Variants in OSBP2 observed in about 807,000 individuals in gnomAD.
The protein encoded by OSBP2 is oxysterol-binding protein 2.
OSBP2 carries 66 observed loss-of-function variants against 96.0 expected under a neutral mutation model. That is an observed-to-expected ratio of 0.69 (90% CI 0.56 to 0.84). The LOEUF is 0.84. Among genes scored for constraint, OSBP2 ranks in the 40% least tolerant of loss-of-function variants. The pLI, the probability that OSBP2 is intolerant of heterozygous loss-of-function variation, is 0.00. For missense variants in OSBP2, 1,038 were observed against 1,222.7 expected, an observed-to-expected ratio of 0.85 and a Z score of 2.25; for synonymous variants, 525 against 520.9, an observed-to-expected ratio of 1.01 and a Z score of -0.11.
chr22:30,742,021 C>T lies in OSBP2; in HGVS notation c.853+652C>T, dbSNP rs538062128. Among the ~76,000 whole-genome samples, 28 of 151,902 alleles carry T rather than the reference C, an allele frequency of 1.8e-4. 4 individuals carry two copies. The highest frequency in any genetic ancestry group is 1.5e-3 in the Admixed American group (23 of 15,268). ...TTTTAATACAGACAGGGTTTCATCA[C>T]GTTGGCCAGGCTGGTCTCAAACTCC... On this transcript the variant is annotated intron_variant, in intron 2 of 13. Transcript: ENST00000332585.
Position 30,695,053 on chromosome 22 carries a change from G to T in OSBP2, c.144G>T (p.Pro48=), listed in dbSNP as rs1232215907. Residue 48 remains proline, a synonymous_variant, in exon 1 of 14, where the codon CCG becomes CCT. Coordinates refer to ENST00000332585, the MANE Select transcript of OSBP2 (RefSeq NM_030758.4). Reference sequence around the variant, plus strand: ...GCGCTTCCACGTCCGGCTCCGGGCCGGAGCCCAAGCCCCAGCCCCAGCCCG... The same window carrying T: ...GCGCTTCCACGTCCGGCTCCGGGCCTGAGCCCAAGCCCCAGCCCCAGCCCG... ...GMSASTSGSG[P]EPKPQPQPVP... is the part of the protein sequence containing the mutation. The T allele has an allele frequency of 1.9e-6, 3 of 1,590,106 alleles. No individual in the cohort carries two copies. Among genetic ancestry groups the T allele is most frequent in the African/African-American group, 2.7e-5 (2 of 74,110 alleles).
chr22:30,884,962 G>A (rs113397923), intron 3 of OSBP2, among the ~76,000 whole-genome samples: 2 of 152,360 alleles, frequency 1.3e-5, no homozygotes, highest in African/African-American at 4.8e-5. Flanking sequence ...CTGGGAGAGC[G>A]ATGCTGCAGA....
At chr22:30,724,039 T>G (rs760033620) in intron 1 of OSBP2, among the ~76,000 whole-genome samples, 3 of 152,166 alleles carry the variant, frequency 2.0e-5, no homozygotes, top group African/African-American at 4.8e-5. Flanking sequence ...CTCTGCCTAT[T>G]CATCACTCCC....
At chr22:30,866,819 A>C (rs2039349446) in intron 2 of OSBP2, among the ~76,000 whole-genome samples, 1 of 152,216 alleles carries the variant, frequency 6.6e-6, no homozygotes, top group Non-Finnish European at 1.5e-5. Context: ...ATTACCACAA[A>C]CAAGTGGCTT....
intron 2 of OSBP2, among the ~76,000 whole-genome samples, chr22:30,774,407 C>G (rs1301755893): frequency 6.6e-6 from 1 of 152,168 alleles, no homozygotes; most frequent in Non-Finnish European, 1.5e-5. Flanking sequence ...TTGTGGAGAG[C>G]ATTGTCATTG....
chr22:30,877,749 G>C (rs1263926872), intron 3 of OSBP2, among the ~76,000 whole-genome samples: 1 of 152,166 alleles, frequency 6.6e-6, no homozygotes, highest in South Asian at 2.1e-4. Flanking sequence ...CCCTGCAGGC[G>C]GGGCCCAGGC....
chr22:30,833,032 G>T (rs1302938910), intron 2 of OSBP2, among the ~76,000 whole-genome samples: 4 of 152,214 alleles, frequency 2.6e-5, no homozygotes, highest in Non-Finnish European at 5.9e-5. Flanking sequence ...ATTCAGAAAG[G>T]TGTCAGTGCG....
At position 30,802,049 on chromosome 22, in the gene OSBP2, C is replaced by T. The variant is rs989022515; in HGVS notation, c.853+60680C>T. ...TAGTTCCGTGAAGGTAGGGTATCCT[C>T]ATCTTGGACTCCAGAAAGGCGTGAG... On this transcript the variant is annotated intron_variant, in intron 2 of 13. Coordinates refer to ENST00000332585, the MANE Select transcript of OSBP2 (RefSeq NM_030758.4). Among the ~76,000 whole-genome samples the T allele has an allele frequency of 7.2e-4, 109 of 152,186 alleles. 2 individuals carry two copies. Among genetic ancestry groups the T allele is most frequent in the Non-Finnish European group, 5.3e-4 (36 of 68,030 alleles).
In OSBP2 at chr22:30,905,949, G is replaced by A. The variant is rs747783224; in HGVS notation, c.2488G>A (p.Glu830Lys). Residue 830 changes from glutamate to lysine, a missense_variant, in exon 13 of 14, where the codon GAG (glutamate) becomes AAG (lysine). Around this residue, in one of 3 missense-constraint regions of OSBP2, gnomAD observed 737 missense variants for 913.3 expected, o/e 0.81. Coordinates refer to ENST00000332585, the MANE Select transcript of OSBP2 (RefSeq NM_030758.4). ...SRLRPDQRLM[E>K]KGRWDEANTE... ...CCTGCGGCCCGACCAGCGGCTGATGGAGAAGGGCCGTTGGGACGAGGCCAA... is the reference window on the plus strand; with the variant it reads ...CCTGCGGCCCGACCAGCGGCTGATGAAGAAGGGCCGTTGGGACGAGGCCAA... The A allele has an allele frequency of 1.9e-6, 3 of 1,612,104 alleles. No individual in the cohort carries two copies. The highest frequency in any genetic ancestry group is 2.5e-6 in the Non-Finnish European group (3 of 1,179,410).
At chr22:30,841,547 C>T (rs1229999858) in intron 2 of OSBP2, among the ~76,000 whole-genome samples, 1 of 152,160 alleles carries the variant, frequency 6.6e-6, no homozygotes, top group Non-Finnish European at 1.5e-5. Flanking sequence ...TACAGTCATA[C>T]CTCGGAGATA....
At chr22:30,822,714 G>GT in intron 2 of OSBP2, 1 of 1,523,200 alleles carries the variant, frequency 6.6e-7, no homozygotes, top group Non-Finnish European at 8.8e-7. Context: ...AGAAGGGTTA[G>GT]TGCTTGCCGG....
chr22:30,891,636 G>C (rs905012701), intron 8 of OSBP2, among the ~76,000 whole-genome samples: 24 of 152,282 alleles, frequency 1.6e-4, no homozygotes, highest in South Asian at 8.3e-4. Flanking sequence ...ACGCAGGGGT[G>C]TGGTGGCCAG....
In OSBP2 at chr22:30,903,933, G is replaced by A. The variant is rs951830241; in HGVS notation, c.2376-1904G>A. 4.6e-5 allele frequency among the ~76,000 whole-genome samples: 7 copies of A among 152,198 alleles called. No individual in the cohort carries two copies. The South Asian group carries it at 6.2e-4, about 13-fold the overall frequency. ...GAGCTGTCAGGACCTTCAGATGATC[G>A]TATAGGACTGTAGCTGTCTAGGTCT... On this transcript the variant is annotated intron_variant, in intron 12 of 13. Coordinates refer to ENST00000332585, the MANE Select transcript of OSBP2 (RefSeq NM_030758.4).
intron 2 of OSBP2, among the ~76,000 whole-genome samples, chr22:30,747,995 C>G (rs2090026708): frequency 6.7e-6 from 1 of 149,232 alleles, no homozygotes; most frequent in Non-Finnish European, 1.5e-5. Context: ...GATTCTCCTG[C>G]CTCAGTCTGT....
intron 2 of OSBP2, among the ~76,000 whole-genome samples, chr22:30,808,701 T>C (rs528974472): frequency 6.6e-6 from 1 of 152,254 alleles, no homozygotes; most frequent in Non-Finnish European, 1.5e-5. Flanking sequence ...ACACCTGTAA[T>C]CCCAGCACTT....
intron 2 of OSBP2, among the ~76,000 whole-genome samples, chr22:30,852,308 G>T (rs190183131): frequency 1.3e-5 from 2 of 152,228 alleles, no homozygotes; most frequent in African/African-American, 2.4e-5. Flanking sequence ...CTGAGGAAAA[G>T]ATTTTTAAAT....
intron 2 of OSBP2, among the ~76,000 whole-genome samples, chr22:30,788,179 A>C (rs2090621357): frequency 6.6e-6 from 1 of 152,168 alleles, no homozygotes; most frequent in African/African-American, 2.4e-5. Context: ...CCTCAGTACA[A>C]GTGACAGTGA....
intron 1 of OSBP2, among the ~76,000 whole-genome samples, chr22:30,712,919 T>C (rs1244312186): frequency 6.6e-6 from 1 of 152,056 alleles, no homozygotes; most frequent in Non-Finnish European, 1.5e-5. Flanking sequence ...TTTTTGTTGT[T>C]TTTTTTGAGA....
intron 8 of OSBP2, among the ~76,000 whole-genome samples, chr22:30,891,861 AAC>A (rs1240763026): frequency 6.6e-6 from 1 of 152,066 alleles, no homozygotes; most frequent in African/African-American, 2.4e-5. Context: ...CTGGGAAGTG[AAC>A]AGACACGGCT....
Sources: allele counts gnomAD v4.1 joint callset (sites outside exome capture counted in the v4.1 genomes callset), GRCh38; gene constraint gnomAD v4.1.1; regional missense constraint gnomAD v4.1.1; transcripts MANE v1.5; gene names NCBI Gene and HGNC (gene_info 2026-07-23, HGNC 2026-07-21).